RIMS2: variants seen among roughly 807,000 people sequenced by gnomAD.
The protein encoded by RIMS2 is regulating synaptic membrane exocytosis 2, also known as regulating synaptic membrane exocytosis protein 2.
RIMS2 carries 59 observed loss-of-function variants against 174.4 expected under a neutral mutation model. That is an observed-to-expected ratio of 0.34 (90% CI 0.27 to 0.42). The LOEUF (loss-of-function observed/expected upper bound fraction) is 0.42, where lower values mean the gene tolerates loss of function less well. Among genes scored for constraint, RIMS2 ranks in the 10% least tolerant of loss-of-function variants. The pLI is 1.00. For synonymous variants in RIMS2, 606 were observed against 572.5 expected, an observed-to-expected ratio of 1.06 and a Z score of -0.84; for missense variants, 1,620 against 1,666.3, an observed-to-expected ratio of 0.97 and a Z score of 0.48.
chr8:103,801,204 C>G (rs1416880241), intron 3 of RIMS2, among the ~76,000 whole-genome samples: 1 of 152,142 alleles, frequency 6.6e-6, no homozygotes, highest in East Asian at 1.9e-4. Flanking sequence ...CCAGGCTGAT[C>G]ATGAACTCCT....
chr8:104,100,919 T>G (rs892930120), intron 19 of RIMS2, among the ~76,000 whole-genome samples: 1 of 134,554 alleles, frequency 7.4e-6, no homozygotes, highest in African/African-American at 2.8e-5. Context: ...ATGTAATATA[T>G]TATATATGTG....
intron 19 of RIMS2, among the ~76,000 whole-genome samples, chr8:104,131,551 A>C (rs1228507250): frequency 6.6e-6 from 1 of 152,180 alleles, no homozygotes; most frequent in Non-Finnish European, 1.5e-5. Context: ...ATCCATTCAC[A>C]TGATATATGA....
At chr8:103,697,606 T>C (rs749419687) in intron 2 of RIMS2, among the ~76,000 whole-genome samples, 3 of 150,822 alleles carry the variant, frequency 2.0e-5, no homozygotes, top group Non-Finnish European at 4.4e-5. Context: ...CGGGCCCCTA[T>C]AGTCCTAGCT....
intron 19 of RIMS2, among the ~76,000 whole-genome samples, chr8:104,060,259 G>T (rs1157243057): frequency 1.3e-5 from 2 of 150,698 alleles, no homozygotes; most frequent in Non-Finnish European, 3.0e-5. Context: ...CCTGTTATTG[G>T]TCTATTCAGA....
intron 1 of RIMS2, among the ~76,000 whole-genome samples, chr8:103,679,990 T>G (rs1590194293): frequency 6.6e-6 from 1 of 152,054 alleles, no homozygotes; most frequent in African/African-American, 2.4e-5. Flanking sequence ...CAGAGTTGAG[T>G]AGTGACAGAG....
At chr8:103,636,374 C>T (rs1307291834) in intron 1 of RIMS2, among the ~76,000 whole-genome samples, 2 of 152,158 alleles carry the variant, frequency 1.3e-5, no homozygotes, top group African/African-American at 2.4e-5. Context: ...CTATGCATGC[C>T]AGAGCAGCTG....
At chr8:103,990,317 G>A (rs2094602527) in intron 17 of RIMS2, among the ~76,000 whole-genome samples, 2 of 151,908 alleles carry the variant, frequency 1.3e-5, no homozygotes, top group African/African-American at 4.8e-5. Context: ...ATTTCACTGT[G>A]ATTTAGTATA....
At chr8:104,147,695 T>C (rs1380460338) in intron 19 of RIMS2, among the ~76,000 whole-genome samples, 1 of 152,226 alleles carries the variant, frequency 6.6e-6, no homozygotes, top group African/African-American at 2.4e-5. Flanking sequence ...AGTATTTTCA[T>C]TCCTGCAAAA....
chr8:103,908,162 C>T (rs1223069988), intron 4 of RIMS2, among the ~76,000 whole-genome samples: 1 of 152,196 alleles, frequency 6.6e-6, no homozygotes, highest in African/African-American at 2.4e-5. Flanking sequence ...CTGCCTCAGC[C>T]TCCCGAATAG....
At chr8:104,122,213 T>G (rs1043715364) in intron 19 of RIMS2, among the ~76,000 whole-genome samples, 1 of 151,972 alleles carries the variant, frequency 6.6e-6, no homozygotes, top group African/African-American at 2.4e-5. Context: ...TTTTTTTGTA[T>G]GTGGAGATTT....
intron 19 of RIMS2, among the ~76,000 whole-genome samples, chr8:104,176,590 C>T (rs1332156763): frequency 2.0e-5 from 3 of 151,462 alleles, no homozygotes; most frequent in Non-Finnish European, 1.5e-5. Flanking sequence ...TCAAGCTAAG[C>T]CGTTTTATAA....
At chr8:104,194,591 A>G (rs2099014632) in intron 19 of RIMS2, among the ~76,000 whole-genome samples, 1 of 152,188 alleles carries the variant, frequency 6.6e-6, no homozygotes, top group African/African-American at 2.4e-5. Context: ...AGCAAAAATC[A>G]TTTCTTGACC....
At chr8:104,096,104 G>A (rs1245855928) in intron 19 of RIMS2, among the ~76,000 whole-genome samples, 1 of 151,846 alleles carries the variant, frequency 6.6e-6, no homozygotes, top group Admixed American at 6.6e-5. Flanking sequence ...CTGATTTGTT[G>A]GGCATAGGAT....
chr8:103,749,193 G>A (rs2097856271), intron 2 of RIMS2, among the ~76,000 whole-genome samples: 1 of 147,970 alleles, frequency 6.8e-6, no homozygotes, highest in African/African-American at 2.5e-5. Context: ...CTTACTGCAA[G>A]CTCCGCCTCC....
intron 3 of RIMS2, among the ~76,000 whole-genome samples, chr8:103,882,565 T>C (rs1183791799): frequency 1.3e-5 from 2 of 151,582 alleles, no homozygotes; most frequent in African/African-American, 4.8e-5. Context: ...AATTTCCGAT[T>C]ATAACCACTG....
rs188257217 is a variant in RIMS2 at position 103,705,950 on chromosome 8, G to A, written c.387+8654G>A. ...ACTTACTACTACCATTTTAAAATTC[G>A]TTTTCTAGTTGCTTTGTAAGTTCCT... On this transcript the variant is annotated intron_variant, in intron 2 of 23. Coordinates refer to ENST00000504942, the Ensembl canonical transcript of RIMS2. Among the ~76,000 whole-genome samples, 24 of 150,862 alleles carry A rather than the reference G, an allele frequency of 1.6e-4. No individual in the cohort carries two copies. The East Asian group carries it at 3.1e-3, about 20-fold the overall frequency.
intron 4 of RIMS2, among the ~76,000 whole-genome samples, chr8:103,895,912 T>C (rs2099274985): frequency 6.6e-6 from 1 of 151,560 alleles, no homozygotes; most frequent in Admixed American, 6.6e-5. Flanking sequence ...GAAGTTGTGC[T>C]CAAATATCTT....
chr8:103,943,576 G>T (rs1565451071), intron 14 of RIMS2, among the ~76,000 whole-genome samples: 1 of 152,090 alleles, frequency 6.6e-6, no homozygotes, highest in East Asian at 1.9e-4. Flanking sequence ...TGCACATTTT[G>T]CCCTGGATTT....
intron 19 of RIMS2, among the ~76,000 whole-genome samples, chr8:104,119,815 A>G (rs2098342940): frequency 6.6e-6 from 1 of 152,190 alleles, no homozygotes; most frequent in South Asian, 2.1e-4. Context: ...AAGTCGTGGT[A>G]ACTGAAAAAT....
Sources: gnomAD v4.1 joint callset for allele counts (sites outside exome capture counted in the v4.1 genomes callset) on GRCh38, gnomAD v4.1.1 for gene constraint, MANE v1.5 for transcripts, NCBI Gene and HGNC (gene_info 2026-07-23, HGNC 2026-07-21) for gene names.